The following OR2T12 variants were observed in gnomAD, a reference collection of about 807,000 sequenced individuals.
OR2T12 encodes olfactory receptor 2T12.
For synonymous variants in OR2T12, 127 were observed against 160.5 expected, an observed-to-expected ratio of 0.79 and a Z score of 1.58; for missense variants, 335 against 404.3, an observed-to-expected ratio of 0.83 and a Z score of 1.47.
chr1:248,297,660 T>C (rs1428977133), intron 2 of OR2T12, among the ~76,000 whole-genome samples: 1 of 151,978 alleles, frequency 6.6e-6, no homozygotes, highest in Non-Finnish European at 1.5e-5. Flanking sequence ...CTGTCTGTTA[T>C]TGGTGTATAA....
rs549406903 is a variant in OR2T12, at chr1:248,297,029, T to C, written c.-8-1443A>G. ...TTAATCCATCTTGAATTGATTTTTG[T>C]ATAAGGTGTAAGGAAGGGATCCAGC... On this transcript the variant is annotated intron_variant, in intron 2 of 2. Transcript: ENST00000641276. 2.5e-3 allele frequency among the ~76,000 whole-genome samples: 376 copies of C among 152,284 alleles called. 1 individual carries two copies. The highest frequency in any genetic ancestry group is 8.0e-3 in the African/African-American group (334 of 41,522).
rs765331944 is a variant in OR2T12 at position 248,291,843 on chromosome 1, T to A, written c.*2773A>T. On this transcript the variant is annotated 3_prime_UTR_variant, in exon 3 of 3. Transcript: ENST00000641276. Reference sequence around the variant, plus strand: ...AACAAGCAATGGGGAAAGGATTCCCTATTTAATAAATGATGTTGGGAAAAC... The same window carrying A: ...AACAAGCAATGGGGAAAGGATTCCCAATTTAATAAATGATGTTGGGAAAAC... 1 of 152,176 alleles carries A rather than the reference T, an allele frequency of 6.6e-6. No homozygotes were observed. The highest frequency in any genetic ancestry group is 1.5e-5 in the Non-Finnish European group (1 of 68,044). 9.4% of individuals were successfully genotyped at this position (152,176 alleles called of 1,614,324 possible).
rs1337509429 is a variant in OR2T12, at chr1:248,294,536, T to G, written c.*80A>C. On this transcript the variant is annotated 3_prime_UTR_variant, in exon 3 of 3. Coordinates refer to ENST00000641276, the MANE Select transcript of OR2T12 (RefSeq NM_001004692.2). Reference sequence around the variant, plus strand: ...TCAATACACAAACTTAATTTTCTCTTCATGAATTACTAAAGGGAGAGAATT... The same window carrying G: ...TCAATACACAAACTTAATTTTCTCTGCATGAATTACTAAAGGGAGAGAATT... 1 of 1,498,012 alleles carries G rather than the reference T, an allele frequency of 6.7e-7. No individual in the cohort carries two copies. Among genetic ancestry groups the G allele is most frequent in the Admixed American group, 2.2e-5 (1 of 44,938 alleles). 92.8% of individuals were successfully genotyped at this position (1,498,012 alleles called of 1,614,324 possible).
At chr1:248,296,734 A>C (rs1201209475) in intron 2 of OR2T12, among the ~76,000 whole-genome samples, 1 of 151,988 alleles carries the variant, frequency 6.6e-6, no homozygotes, top group African/African-American at 2.4e-5. Context: ...GTTTGAGTTC[A>C]TTGTAGATTC....
chr1:248,294,743 A>G lies in OR2T12; in HGVS notation c.836T>C (p.Phe279Ser). The change falls in exon 3 of 3, where the codon TTC becomes TCC. Residue 279 changes from phenylalanine (F) to serine (S), a missense_variant. Transcript: ENST00000641276. ...DKVVSAFYTM[F>S]TPLLNPLIYS... ...GATGAGGGGATTTAGTAAAGGGGTG[A>G]ACATAGTATAGAAGGCTGACACAAC... 6.2e-7 allele frequency: 1 copy of G among 1,614,118 alleles called. No homozygotes were observed. Among genetic ancestry groups the G allele is most frequent in the Non-Finnish European group, 8.5e-7 (1 of 1,180,012 alleles).
chr1:248,296,028 G>C (rs1185301223), intron 2 of OR2T12, among the ~76,000 whole-genome samples: 5 of 94,008 alleles, frequency 5.3e-5, no homozygotes, highest in Non-Finnish European at 7.9e-5. Flanking sequence ...CAACAGTCCC[G>C]AGAGTGTGAT....
rs41304145 is a variant in OR2T12 at position 248,295,494 on chromosome 1, G to T, written c.85C>A (p.Leu29Ile). ...TRAHQVLFMM[L>I]LATVLTSLFS... is the part of the protein sequence containing the mutation. ...AGGGAGGTCAAAACGGTGGCCAGAA[G>T]CATCATGAAGAGGACTTGGTGGGCT... Residue 29 changes from leucine (L) to isoleucine (I), a missense_variant, in exon 3 of 3, where the codon CTT (leucine) becomes ATT (isoleucine). Physicochemically the swap from Leu to Ile is conservative, Grantham distance 5. Coordinates refer to ENST00000641276, the MANE Select transcript of OR2T12 (RefSeq NM_001004692.2). 1 of 1,609,282 alleles carries T rather than the reference G, an allele frequency of 6.2e-7. No homozygotes were observed. The highest frequency in any genetic ancestry group is 1.4e-5 in the African/African-American group (1 of 72,694).
At chr1:248,298,958 TA>T (rs1487257414) in intron 2 of OR2T12, among the ~76,000 whole-genome samples, 7 of 152,092 alleles carry the variant, frequency 4.6e-5, no homozygotes, top group Admixed American at 4.6e-4. Flanking sequence ...GAAGGAGAAA[TA>T]AAATACTTTA....
In OR2T12 at chr1:248,290,231, T is replaced by G. The variant is rs997833930; in HGVS notation, c.*4385A>C. The G allele has an allele frequency of 6.6e-6, 1 of 152,180 alleles. No homozygotes were observed. Among genetic ancestry groups the G allele is most frequent in the African/African-American group, 2.4e-5 (1 of 41,450 alleles). 9.4% of individuals were successfully genotyped at this position (152,180 alleles called of 1,614,324 possible). On this transcript the variant is annotated 3_prime_UTR_variant, in exon 3 of 3. Transcript: ENST00000641276. ...TCAGAATTAATGCCATACAACCATCTGTTCTTTGACAACCCTGACAAAAAC... is the reference window on the plus strand; with the variant it reads ...TCAGAATTAATGCCATACAACCATCGGTTCTTTGACAACCCTGACAAAAAC...
At position 248,292,783 on chromosome 1, in the gene OR2T12, T is replaced by C. The variant is rs1365712285; in HGVS notation, c.*1833A>G. The C allele has an allele frequency of 6.6e-6, 1 of 152,086 alleles. No homozygotes were observed. The highest frequency in any genetic ancestry group is 2.4e-5 in the African/African-American group (1 of 41,434). 9.4% of individuals were successfully genotyped at this position (152,086 alleles called of 1,614,324 possible). A position where few individuals can be genotyped will look rare whatever the true frequency, so the allele number is the denominator to read the frequency against. ...TGTTGTTGTTGTTGTTTTAGTTTTCTCCTGAACATTAGGCTTAATTTTCTG... is the reference window on the plus strand; with the variant it reads ...TGTTGTTGTTGTTGTTTTAGTTTTCCCCTGAACATTAGGCTTAATTTTCTG... On this transcript the variant is annotated 3_prime_UTR_variant, in exon 3 of 3. Transcript: ENST00000641276.
intron 2 of OR2T12, among the ~76,000 whole-genome samples, chr1:248,299,149 A>G (rs563874186): frequency 1.1e-4 from 16 of 152,260 alleles, no homozygotes; most frequent in African/African-American, 3.6e-4. Context: ...ATAACCAGCT[A>G]ACATCATAAT....
At position 248,294,689 on chromosome 1, in the gene OR2T12, T is replaced by C. The variant is rs939519218; in HGVS notation, c.890A>G (p.Glu297Gly). Residue 297 changes from glutamate (E) to glycine (G), a missense_variant, in exon 3 of 3, where the codon GAA (glutamate) becomes GGA (glycine). Glu to Gly is a moderately conservative substitution (Grantham distance 98). Transcript: ENST00000641276. ...IYSVRNSEVK[E>G]ALKRWLGTCV... ...CGTCCCCAGCCACCGTTTCAGGGCT[T>C]CCTTGACCTCACTGTTCCTCACACT... 29 of 1,614,016 alleles carry C rather than the reference T, an allele frequency of 1.8e-5. No individual in the cohort carries two copies. The highest frequency in any genetic ancestry group is 1.1e-4 in the African/African-American group (8 of 74,910).
At chr1:248,300,132 T>A (rs530841635) in intron 2 of OR2T12, among the ~76,000 whole-genome samples, 2 of 152,040 alleles carry the variant, frequency 1.3e-5, no homozygotes, top group Admixed American at 6.6e-5. Flanking sequence ...AGAAAAACGA[T>A]GTCTAATATG....
At position 248,291,022 on chromosome 1, in the gene OR2T12, A is replaced by T. The variant is rs186065118; in HGVS notation, c.*3594T>A. On this transcript the variant is annotated 3_prime_UTR_variant, in exon 3 of 3. Coordinates refer to ENST00000641276, the MANE Select transcript of OR2T12 (RefSeq NM_001004692.2). ...ATGGGGTTGTTTTTTTTTTCTTATA[A>T]ATATGTTTAAGTTCCTTGTAGATTC... 89 of 151,470 alleles carry T rather than the reference A, an allele frequency of 5.9e-4. No individual in the cohort carries two copies. The highest frequency in any genetic ancestry group is 2.2e-3 in the African/African-American group (89 of 41,324). 9.4% of individuals were successfully genotyped at this position (151,470 alleles called of 1,614,324 possible).
Position 248,295,313 on chromosome 1 carries a change from G to C in OR2T12, c.266C>G (p.Ala89Gly). The change falls in exon 3 of 3, where the codon GCC becomes GGC. Residue 89 changes from alanine to glycine, a missense_variant. Ala to Gly is a moderately conservative substitution (Grantham distance 60). Coordinates refer to ENST00000641276, the MANE Select transcript of OR2T12 (RefSeq NM_001004692.2). ...CACACCACAGCCAGCGCGGGAGATG[G>C]CCTTATTTCCGGTCAAGTAGTCAGC... ...MAADYLTGNK[A>G]ISRAGCGVQI... 1.2e-6 allele frequency: 2 copies of C among 1,609,348 alleles called. No individual in the cohort carries two copies. Among genetic ancestry groups the C allele is most frequent in the African/African-American group, 2.7e-5 (2 of 74,226 alleles).
At chr1:248,299,041 A>G (rs1255275897) in intron 2 of OR2T12, among the ~76,000 whole-genome samples, 1 of 152,206 alleles carries the variant, frequency 6.6e-6, no homozygotes, top group Admixed American at 6.5e-5. Flanking sequence ...GGAAGCACTA[A>G]ACATGGAAAG....
chr1:248,301,790 T>TAAA (rs1659814744), intron 1 of OR2T12, among the ~76,000 whole-genome samples: 1 of 152,140 alleles, frequency 6.6e-6, no homozygotes, highest in Admixed American at 6.5e-5. Flanking sequence ...AATGTCTTTT[T>TAAA]TATGTATTAA....
Position 248,291,942 on chromosome 1 carries a change from G to C in OR2T12, c.*2674C>G, listed in dbSNP as rs1282670511. 6.6e-6 allele frequency: 1 copy of C among 151,900 alleles called. No homozygotes were observed. Among genetic ancestry groups the C allele is most frequent in the African/African-American group, 2.4e-5 (1 of 41,372 alleles). 9.4% of individuals were successfully genotyped at this position (151,900 alleles called of 1,614,324 possible). ...TATACAAAAAATCACTCAAGATGAA[G>C]ACTTAAACATAAAACATAAAACCAT... On this transcript the variant is annotated 3_prime_UTR_variant, in exon 3 of 3. Coordinates refer to ENST00000641276, the MANE Select transcript of OR2T12 (RefSeq NM_001004692.2).
At chr1:248,295,834 A>T (rs199813327) in intron 2 of OR2T12, among the ~76,000 whole-genome samples, 3 of 152,062 alleles carry the variant, frequency 2.0e-5, no homozygotes, top group Non-Finnish European at 4.4e-5. Flanking sequence ...CAAAATGAAT[A>T]AAAATTTTTT....
Sources: gnomAD v4.1 joint callset for allele counts (sites outside exome capture counted in the v4.1 genomes callset) on GRCh38, gnomAD v4.1.1 for gene constraint, MANE v1.5 for transcripts, NCBI Gene and HGNC (gene_info 2026-07-23, HGNC 2026-07-21) for gene names.